TMEM132E: variants seen among roughly 807,000 people sequenced by gnomAD.
TMEM132E encodes transmembrane protein 132E.
TMEM132E carries 49 observed loss-of-function variants against 78.5 expected under a neutral mutation model. The observed-to-expected ratio is 0.62, with a 90% CI of 0.50 to 0.79. The LOEUF (loss-of-function observed/expected upper bound fraction) is 0.79. TMEM132E is among the 30% of genes least tolerant of loss of function. The pLI, the probability that TMEM132E is intolerant of heterozygous loss-of-function variation, is 0.00. For missense variants in TMEM132E, 1,403 were observed against 1,470.9 expected, an observed-to-expected ratio of 0.95 and a Z score of 0.75; for synonymous variants, 715 against 670.6, an observed-to-expected ratio of 1.07 and a Z score of -1.02.
chr17:34,586,415 C>G (rs113092505), intron 1 of TMEM132E, among the ~76,000 whole-genome samples: 42 of 152,128 alleles, frequency 2.8e-4, no homozygotes, highest in African/African-American at 1.0e-3. Context: ...CCAGCAGTCC[C>G]CAAGGATGGG....
At chr17:34,625,620 C>CCTGAGG (rs1271383775) in intron 1 of TMEM132E, among the ~76,000 whole-genome samples, 3,539 of 152,220 alleles carry the variant, frequency 0.023, 143 homozygotes, top group African/African-American at 0.08. Context: ...TACCTCAGAG[C>CCTGAGG]ATTGATCTGA....
intron 1 of TMEM132E, among the ~76,000 whole-genome samples, chr17:34,591,973 G>A (rs1905883907): frequency 6.6e-6 from 1 of 152,204 alleles, no homozygotes; most frequent in South Asian, 2.1e-4. Flanking sequence ...AATGCTACGT[G>A]CCTGCTGGAG....
intron 1 of TMEM132E, among the ~76,000 whole-genome samples, chr17:34,582,322 G>A (rs1041278728): frequency 1.3e-5 from 2 of 152,134 alleles, no homozygotes; most frequent in African/African-American, 2.4e-5. Context: ...GCCTGCTCAA[G>A]CTCGCCAGGA....
intron 1 of TMEM132E, among the ~76,000 whole-genome samples, chr17:34,623,853 G>T (rs911725797): frequency 6.6e-6 from 1 of 152,074 alleles, no homozygotes; most frequent in Non-Finnish European, 1.5e-5. Context: ...CAGGCTGCAG[G>T]GACACGTTAT....
rs1160440158 is a variant in TMEM132E at position 34,638,456 on chromosome 17, T to C, written c.*224T>C. 4.1e-6 allele frequency: 2 copies of C among 486,830 alleles called. No homozygotes were observed. Among genetic ancestry groups the C allele is most frequent in the African/African-American group, 4.0e-5 (2 of 50,110 alleles). The allele number at this position is 486,830 out of a possible 1,614,324, so 30.2% of individuals were successfully genotyped here. A position where few individuals can be genotyped will look rare whatever the true frequency, so the allele number is the denominator to read the frequency against. On this transcript the variant is annotated 3_prime_UTR_variant, in exon 9 of 9. Coordinates refer to ENST00000631683, the MANE Select transcript of TMEM132E (RefSeq NM_001304438.2). ...CCCCCTGCAGGTGGAGGGCTCTTCC[T>C]CCAGTGGCTCGTAAGGAGGAAAGCA...
rs1326694863 is a variant in TMEM132E, at chr17:34,626,556, G to A, written c.497G>A (p.Arg166His). Residue 166 changes from arginine to histidine, a missense_variant, in exon 2 of 9, where the codon CGC becomes CAC. Around this residue, in one of 3 missense-constraint regions of TMEM132E, gnomAD observed 511 missense variants for 499.0 expected, o/e 1.02. Coordinates refer to ENST00000631683, the MANE Select transcript of TMEM132E (RefSeq NM_001304438.2). ...FGVTERLPCV[R>H]LHAFRDAREV... is the part of the protein sequence containing the mutation. Reference sequence around the variant, plus strand: ...GTCACCGAGCGGCTGCCCTGTGTCCGCCTGCATGCCTTCCGGGATGCCCGG... The same window carrying A: ...GTCACCGAGCGGCTGCCCTGTGTCCACCTGCATGCCTTCCGGGATGCCCGG... 3.2e-6 allele frequency: 5 copies of A among 1,584,344 alleles called. No individual in the cohort carries two copies. The highest frequency in any genetic ancestry group is 4.3e-6 in the Non-Finnish European group (5 of 1,169,608).
rs1186734416 is a variant in TMEM132E at position 34,580,518 on chromosome 17, G to T, written c.-559G>T. On this transcript the variant is annotated 5_prime_UTR_variant, in exon 1 of 9. Transcript: ENST00000631683. ...CTTTTCCTTCTCCAGATGGATTAAA[G>T]TTGTCTGGATTTTCTCTTTCTTTGA... 6.6e-6 allele frequency: 1 copy of T among 152,400 alleles called. No individual in the cohort carries two copies. Among genetic ancestry groups the T allele is most frequent in the Non-Finnish European group, 1.5e-5 (1 of 68,128 alleles). The allele number at this position is 152,400 out of a possible 1,614,324, so 9.4% of individuals were successfully genotyped here. A position where few individuals can be genotyped will look rare whatever the true frequency, so the allele number is the denominator to read the frequency against.
chr17:34,628,157 C>G (rs1263937994), intron 2 of TMEM132E, among the ~76,000 whole-genome samples: 1 of 152,198 alleles, frequency 6.6e-6, no homozygotes, highest in Non-Finnish European at 1.5e-5. Context: ...ACAGTTAGGA[C>G]AGAGGGGAAT....
chr17:34,626,296 C>G lies in TMEM132E; in HGVS notation c.237C>G (p.Phe79Leu), dbSNP rs1406191381. 6.2e-7 allele frequency: 1 copy of G among 1,610,908 alleles called. No homozygotes were observed. Among genetic ancestry groups the G allele is most frequent in the African/African-American group, 1.3e-5 (1 of 74,918 alleles). ...GCTCTCTGCAGCGCTCCGAGCCCTT[C>G]GTGGTGTTCCAGACCAAGGAGCTGC... is the stretch of plus-strand genomic sequence containing the variant. ...ANSSLQRSEPFVVFQTKELPV... is the reference protein window; with the variant it reads ...ANSSLQRSEPLVVFQTKELPV... Residue 79 changes from phenylalanine to leucine, a missense_variant, in exon 2 of 9, where the codon TTC (phenylalanine) becomes TTG (leucine). Transcript: ENST00000631683.
intron 1 of TMEM132E, among the ~76,000 whole-genome samples, chr17:34,583,619 GT>G (rs1261458261): frequency 6.6e-6 from 1 of 152,212 alleles, no homozygotes; most frequent in Non-Finnish European, 1.5e-5. Context: ...TAGAGGGACA[GT>G]TGCAGTTTTC....
chr17:34,625,115 G>A (rs1285373688), intron 1 of TMEM132E, among the ~76,000 whole-genome samples: 1 of 152,152 alleles, frequency 6.6e-6, no homozygotes, highest in Non-Finnish European at 1.5e-5. Context: ...GTGTGGGGGA[G>A]GAGAATGCCA....
chr17:34,619,469 C>T (rs896557192), intron 1 of TMEM132E, among the ~76,000 whole-genome samples: 1 of 148,082 alleles, frequency 6.8e-6, no homozygotes, highest in Non-Finnish European at 1.5e-5. Flanking sequence ...AATCATGGCT[C>T]ATGCCCCCTC....
chr17:34,604,269 G>A (rs1906338523), intron 1 of TMEM132E, among the ~76,000 whole-genome samples: 1 of 152,112 alleles, frequency 6.6e-6, no homozygotes, highest in African/African-American at 2.4e-5. Context: ...CTTCTTTGCT[G>A]CTACTGCCTG....
intron 5 of TMEM132E, among the ~76,000 whole-genome samples, chr17:34,630,820 G>A (rs1025237792): frequency 6.6e-6 from 1 of 152,048 alleles, no homozygotes; most frequent in Non-Finnish European, 1.5e-5. Flanking sequence ...ACCTGCTTTG[G>A]CCCCAGGTCC....
chr17:34,598,919 C>T (rs1384154526), intron 1 of TMEM132E, among the ~76,000 whole-genome samples: 1 of 152,182 alleles, frequency 6.6e-6, no homozygotes, highest in Admixed American at 6.5e-5. Flanking sequence ...CAGTCCAGCC[C>T]CTGGCTGCTG....
intron 5 of TMEM132E, among the ~76,000 whole-genome samples, chr17:34,630,994 C>A (rs1272659199): frequency 6.6e-6 from 1 of 152,156 alleles, no homozygotes; most frequent in East Asian, 1.9e-4. Context: ...AGATGTCCAG[C>A]CCTGGTAACT....
chr17:34,582,001 A>T (rs746921512), intron 1 of TMEM132E, among the ~76,000 whole-genome samples: 31 of 151,764 alleles, frequency 2.0e-4, no homozygotes, highest in Non-Finnish European at 3.8e-4. Context: ...GGCCTTCCGC[A>T]AGCTGGAGAC....
chr17:34,582,710 T>A (rs112888900), intron 1 of TMEM132E, among the ~76,000 whole-genome samples: 5 of 152,106 alleles, frequency 3.3e-5, no homozygotes, highest in Non-Finnish European at 7.4e-5. Context: ...GTGGGCTGCC[T>A]GTCTGCGCAC....
chr17:34,626,656 G>A lies in TMEM132E; in HGVS notation c.597G>A (p.Trp199Ter). ...TGCGGGCAGAGCTGCCCCTGGCCTG[G>A]TTCGGGCCCCCAGCCCCCGCTGCGC... ...CLVRAELPLAWFGPPAPAAPP... is the reference protein window; with the variant it reads ...CLVRAELPLA The change falls in exon 2 of 9, where the codon TGG becomes TGA. Residue 199 changes from tryptophan (W) to a stop codon, truncating the protein, a stop_gained. Coordinates refer to ENST00000631683, the MANE Select transcript of TMEM132E (RefSeq NM_001304438.2). LOFTEE classifies it high-confidence loss of function. 7.0e-7 allele frequency: 1 copy of A among 1,422,894 alleles called. No individual in the cohort carries two copies. The highest frequency in any genetic ancestry group is 1.5e-5 in the African/African-American group (1 of 68,866). 88.1% of individuals were successfully genotyped at this position (1,422,894 alleles called of 1,614,324 possible).
Sources: allele counts gnomAD v4.1 joint callset (sites outside exome capture counted in the v4.1 genomes callset), GRCh38; gene constraint gnomAD v4.1.1; regional missense constraint gnomAD v4.1.1; transcripts MANE v1.5; gene names NCBI Gene and HGNC (gene_info 2026-07-23, HGNC 2026-07-21).